Variants in HS6ST1 observed in about 807,000 individuals in gnomAD.
HS6ST1 encodes the protein heparan sulfate 6-O-sulfotransferase 1.
Under a neutral mutation model 25.2 loss-of-function variants are expected in HS6ST1, and 3 were observed. The observed-to-expected ratio is 0.12, with a 90% confidence interval of 0.05 to 0.31. The LOEUF is 0.31. HS6ST1 is among the 10% of genes least tolerant of loss of function. The pLI is 1.00. For synonymous variants in HS6ST1, 204 were observed against 275.1 expected, an observed-to-expected ratio of 0.74 and a Z score of 2.56; for missense variants, 310 against 609.6, an observed-to-expected ratio of 0.51 and a Z score of 5.18.
chr2:128,318,814 T>C lies in HS6ST1; in HGVS notation c.-251A>G, dbSNP rs1694419635. ...CTCCCGGCCCCGGCCAGCACAGCGC[T>C]CTCCGCGCCCCCAGCACCAGCCCGC... is the stretch of plus-strand genomic sequence containing the variant. On this transcript the variant is annotated 5_prime_UTR_variant, in exon 1 of 2. Coordinates refer to ENST00000259241, the MANE Select transcript of HS6ST1 (RefSeq NM_004807.3). This position sits in a 1 kb window ranked among gnomAD's most constrained non-coding sequence, Gnocchi z 5.7. 6.8e-6 allele frequency among the ~76,000 whole-genome samples: 1 copy of C among 146,064 alleles called. No individual in the cohort carries two copies. The highest frequency in any genetic ancestry group is 2.1e-4 in the South Asian group (1 of 4,772).
At chr2:128,301,168 C>T (rs761650698) in intron 1 of HS6ST1, among the ~76,000 whole-genome samples, 2 of 146,208 alleles carry the variant, frequency 1.4e-5, no homozygotes, top group Non-Finnish European at 3.0e-5. Context: ...GGACTGGGGT[C>T]GCCGGGGGCT....
intron 1 of HS6ST1, among the ~76,000 whole-genome samples, chr2:128,312,510 G>A (rs111820183): frequency 0.084 from 12,797 of 152,086 alleles, 1,808 homozygotes; most frequent in African/African-American, 0.29. Flanking sequence ...ATTCAGTCCC[G>A]CAAAATGCCA....
intron 1 of HS6ST1, among the ~76,000 whole-genome samples, chr2:128,291,830 C>G (rs1348782925): frequency 6.6e-6 from 1 of 152,240 alleles, no homozygotes; most frequent in Non-Finnish European, 1.5e-5. Context: ...CGCCGGCGGG[C>G]ATCTGTCCAC....
intron 1 of HS6ST1, among the ~76,000 whole-genome samples, chr2:128,269,271 A>G (rs2104909335): frequency 6.6e-6 from 1 of 152,268 alleles, no homozygotes; most frequent in African/African-American, 2.4e-5. Context: ...CAGGAACAGA[A>G]GGTGGGCAGG....
chr2:128,273,794 G>A (rs1049529590), intron 1 of HS6ST1, among the ~76,000 whole-genome samples: 3 of 152,250 alleles, frequency 2.0e-5, no homozygotes, highest in African/African-American at 4.8e-5. Flanking sequence ...AAGGCGGGGT[G>A]GAGGTGTCAA....
At chr2:128,299,613 GCA>G (rs1014744733) in intron 1 of HS6ST1, among the ~76,000 whole-genome samples, 7 of 152,240 alleles carry the variant, frequency 4.6e-5, no homozygotes, top group African/African-American at 1.7e-4. Flanking sequence ...CCGGTGAGGA[GCA>G]CAGTGGATCT....
intron 1 of HS6ST1, among the ~76,000 whole-genome samples, chr2:128,271,538 C>T (rs952007298): frequency 3.3e-5 from 5 of 152,290 alleles, no homozygotes; most frequent in East Asian, 1.9e-4. Context: ...GTGCAGAACA[C>T]GGGGAAATGC....
intron 1 of HS6ST1, among the ~76,000 whole-genome samples, chr2:128,276,567 G>C (rs1693698693): frequency 6.6e-6 from 1 of 152,230 alleles, no homozygotes; most frequent in Non-Finnish European, 1.5e-5. Flanking sequence ...CGTGCCTCCG[G>C]TGAGCAGCTG....
intron 1 of HS6ST1, among the ~76,000 whole-genome samples, chr2:128,294,995 C>T (rs1053304714): frequency 2.0e-5 from 3 of 152,156 alleles, no homozygotes; most frequent in East Asian, 3.9e-4. Flanking sequence ...ACCACCTCCC[C>T]CTCTTGGTTT....
intron 1 of HS6ST1, among the ~76,000 whole-genome samples, chr2:128,282,710 C>T (rs1558871767): frequency 6.6e-6 from 1 of 152,208 alleles, no homozygotes; most frequent in Admixed American, 6.5e-5. Context: ...CCTTCCTGCT[C>T]CCACCAACCG....
In HS6ST1 at chr2:128,301,619, G is replaced by T. The variant is rs1024466186; in HGVS notation, c.527+16418C>A. Among the ~76,000 whole-genome samples the T allele has an allele frequency of 5.9e-5, 9 of 152,190 alleles. 1 individual carries two copies. The highest frequency in any genetic ancestry group is 1.3e-4 in the Non-Finnish European group (9 of 68,016). Reference sequence around the variant, plus strand: ...CCAGAATGTTTCTGAGTCACCACTGGCGCCAAAGCATGAGCTACTGCTGGG... The same window carrying T: ...CCAGAATGTTTCTGAGTCACCACTGTCGCCAAAGCATGAGCTACTGCTGGG... On this transcript the variant is annotated intron_variant, in intron 1 of 1. Coordinates refer to ENST00000259241, the MANE Select transcript of HS6ST1 (RefSeq NM_004807.3).
chr2:128,274,360 T>C (rs1263473219), intron 1 of HS6ST1, among the ~76,000 whole-genome samples: 1 of 152,158 alleles, frequency 6.6e-6, no homozygotes, highest in Non-Finnish European at 1.5e-5. Context: ...CAACGCCGTA[T>C]GTTAGAAACC....
chr2:128,301,685 C>T (rs1478250530), intron 1 of HS6ST1, among the ~76,000 whole-genome samples: 2 of 152,178 alleles, frequency 1.3e-5, no homozygotes, highest in African/African-American at 2.4e-5. Flanking sequence ...TGTGGGAGAG[C>T]GTGCGTGCTT....
chr2:128,274,716 C>T (rs775593491), intron 1 of HS6ST1, among the ~76,000 whole-genome samples: 2 of 152,152 alleles, frequency 1.3e-5, no homozygotes, highest in Non-Finnish European at 2.9e-5. Flanking sequence ...GTGACTCACA[C>T]CTGTAATCCC....
At chr2:128,275,326 G>A (rs1693676880) in intron 1 of HS6ST1, among the ~76,000 whole-genome samples, 1 of 152,152 alleles carries the variant, frequency 6.6e-6, no homozygotes, top group South Asian at 2.1e-4. Flanking sequence ...GTGTGAGGGT[G>A]TAAGAACGCT....
intron 1 of HS6ST1, among the ~76,000 whole-genome samples, chr2:128,313,124 C>T (rs1310456357): frequency 6.6e-6 from 1 of 152,136 alleles, no homozygotes; most frequent in Non-Finnish European, 1.5e-5. Context: ...TGGGTGCTCA[C>T]AGACCACAGG....
intron 1 of HS6ST1, among the ~76,000 whole-genome samples, chr2:128,287,367 C>G (rs543396771): frequency 2.6e-5 from 4 of 152,210 alleles, no homozygotes; most frequent in Admixed American, 6.5e-5. Context: ...AGCTGCCCCC[C>G]CTACTCAGTG....
chr2:128,268,061 G>C lies in HS6ST1; in HGVS notation c.*101C>G. 1 of 823,894 alleles carries C rather than the reference G, an allele frequency of 1.2e-6. No homozygotes were observed. Among genetic ancestry groups the C allele is most frequent in the Non-Finnish European group, 2.0e-6 (1 of 506,506 alleles). 51.0% of individuals were successfully genotyped at this position (823,894 alleles called of 1,614,324 possible). ...GGACGCAGCTACCTCTGTGGAGCAGGTTTGGGATGCTCATCCCTTGACAGT... is the reference window on the plus strand; with the variant it reads ...GGACGCAGCTACCTCTGTGGAGCAGCTTTGGGATGCTCATCCCTTGACAGT... On this transcript the variant is annotated 3_prime_UTR_variant, in exon 2 of 2. Coordinates refer to ENST00000259241, the MANE Select transcript of HS6ST1 (RefSeq NM_004807.3).
chr2:128,288,051 C>T (rs1693891977), intron 1 of HS6ST1, among the ~76,000 whole-genome samples: 1 of 152,222 alleles, frequency 6.6e-6, no homozygotes, highest in African/African-American at 2.4e-5. Flanking sequence ...ACAGGGCACG[C>T]AGTCGAGCAG....
Sources: allele counts gnomAD v4.1 joint callset (sites outside exome capture counted in the v4.1 genomes callset), GRCh38; gene constraint gnomAD v4.1.1; non-coding constraint Gnocchi (gnomAD v3.1); transcripts MANE v1.5; gene names NCBI Gene and HGNC (gene_info 2026-07-23, HGNC 2026-07-21).